Variants in AJM1 observed in about 807,000 individuals in gnomAD.
AJM1 encodes the protein uncharacterized protein C9orf172.
AJM1 carries 22 observed loss-of-function variants against 43.0 expected under a neutral mutation model. The ratio of observed to expected loss-of-function variants is 0.51; its 90% CI spans 0.37 to 0.73. The LOEUF (loss-of-function observed/expected upper bound fraction) is 0.73, where lower values mean the gene tolerates loss of function less well. Among genes scored for constraint, AJM1 ranks in the 30% least tolerant of loss-of-function variants. The pLI is 0.00. For missense variants in AJM1, 1,305 were observed against 1,343.3 expected (o/e 0.97, Z 0.45); for synonymous variants, 719 against 638.3 (o/e 1.13, Z -1.91).
At position 136,844,958 on chromosome 9, in the gene AJM1, C is replaced by T; in HGVS notation, c.544C>T (p.Pro182Ser). Residue 182 changes from proline (P) to serine (S), a missense_variant, in exon 3 of 3, where the codon CCC becomes TCC. Pro to Ser is a moderately conservative substitution (Grantham distance 74, BLOSUM62 -1). Transcript: ENST00000436881. Reference protein sequence around the residue: ...APPEPPAGPAPHVRCRLDIKP... With the variant: ...APPEPPAGPASHVRCRLDIKP... ...GCCCGAGCCACCCGCGGGTCCCGCC[C>T]CCCACGTGCGCTGCCGCCTGGACAT... 2 of 502,736 alleles carry T rather than the reference C, an allele frequency of 4.0e-6. 1 individual carries two copies. 31.1% of individuals were successfully genotyped at this position (502,736 alleles called of 1,614,324 possible). A position where few individuals can be genotyped will look rare whatever the true frequency, so the allele number is the denominator to read the frequency against.
chr9:136,847,146 T>G lies in AJM1; in HGVS notation c.2732T>G (p.Val911Gly), dbSNP rs1848788749. 1 of 1,597,866 alleles carries G rather than the reference T, an allele frequency of 6.3e-7. No homozygotes were observed. Among genetic ancestry groups the G allele is most frequent in the Non-Finnish European group, 8.5e-7 (1 of 1,177,924 alleles). The change falls in exon 3 of 3, where the codon GTC becomes GGC. Residue 911 changes from valine to glycine, a missense_variant. Transcript: ENST00000436881. ...CAGCGCGAGCTGCGGCTGCGCGGCG[T>G]CTTCCTGCGCCACGAGTTCCCGCGC... Reference protein sequence around the residue: ...HIQRELRLRGVFLRHEFPRVY... With the variant: ...HIQRELRLRGGFLRHEFPRVY...
rs1848811032 is a variant in AJM1 at position 136,848,409 on chromosome 9, G to A, written c.*1064G>A. 1 of 152,434 alleles carries A rather than the reference G, an allele frequency of 6.6e-6. No individual in the cohort carries two copies. The highest frequency in any genetic ancestry group is 6.5e-5 in the Admixed American group (1 of 15,292). The allele number at this position is 152,434 out of a possible 1,614,324, so 9.4% of individuals were successfully genotyped here. On this transcript the variant is annotated 3_prime_UTR_variant, in exon 3 of 3. Coordinates refer to ENST00000436881, the MANE Select transcript of AJM1 (RefSeq NM_001080482.5). ...GCGGGCGTGGAGGCGCAAGCCCGGC[G>A]GCCCGGCCTCCACCTGTCCCCCAAG...
In AJM1 at chr9:136,844,353, C is replaced by T. The variant is rs1848737707; in HGVS notation, c.-59-3C>T. 2 of 1,425,004 alleles carry T rather than the reference C, an allele frequency of 1.4e-6. No individual in the cohort carries two copies. Among genetic ancestry groups the T allele is most frequent in the African/African-American group, 1.4e-5 (1 of 71,040 alleles). The allele number at this position is 1,425,004 out of a possible 1,614,324, so 88.3% of individuals were successfully genotyped here. ...GGCCGCCCTGACCCGCGTCTCCCCCCAGGGCAAAAGCCCCGCAAGGCAGTG... is the reference window on the plus strand; with the variant it reads ...GGCCGCCCTGACCCGCGTCTCCCCCTAGGGCAAAAGCCCCGCAAGGCAGTG... On this transcript the variant is annotated splice_region_variant and splice_polypyrimidine_tract_variant and intron_variant, in intron 2 of 2. Coordinates refer to ENST00000436881, the MANE Select transcript of AJM1 (RefSeq NM_001080482.5).
At chr9:136,843,938 G>A (rs1484403254) in intron 1 of AJM1, among the ~76,000 whole-genome samples, 1 of 152,194 alleles carries the variant, frequency 6.6e-6, no homozygotes, top group East Asian at 1.9e-4. Flanking sequence ...AATGCGGCCC[G>A]TCCTTCCAAC....
At position 136,848,740 on chromosome 9, in the gene AJM1, G is replaced by A. The variant is rs1275221148; in HGVS notation, c.*1395G>A. 6.6e-6 allele frequency: 1 copy of A among 152,426 alleles called. No individual in the cohort carries two copies. Among genetic ancestry groups the A allele is most frequent in the Non-Finnish European group, 1.5e-5 (1 of 68,090 alleles). 9.4% of individuals were successfully genotyped at this position (152,426 alleles called of 1,614,324 possible). A position where few individuals can be genotyped will look rare whatever the true frequency, so the allele number is the denominator to read the frequency against. On this transcript the variant is annotated 3_prime_UTR_variant, in exon 3 of 3. Coordinates refer to ENST00000436881, the MANE Select transcript of AJM1 (RefSeq NM_001080482.5). ...CTGAGGGCCGGCCGGGAACGCCCCT[G>A]GACCGGAATAATTTCCAGGGGGCAA... is the stretch of plus-strand genomic sequence containing the variant.
chr9:136,846,060 G>C lies in AJM1; in HGVS notation c.1646G>C (p.Arg549Thr), dbSNP rs1848770467. The change falls in exon 3 of 3, where the codon AGG becomes ACG. Residue 549 changes from arginine (R) to threonine (T), a missense_variant. By Grantham distance (71) the Arg-to-Thr change is moderately conservative. Coordinates refer to ENST00000436881, the MANE Select transcript of AJM1 (RefSeq NM_001080482.5). ...CGCGCCACCGAGCGCCCGAGCGCCA[G>C]GGCCTGGGAGTTGCCCGGGGGCCGC... ...DLRATERPSA[R>T]AWELPGGRTR... 1 of 1,537,858 alleles carries C rather than the reference G, an allele frequency of 6.5e-7. No individual in the cohort carries two copies.
rs1182440413 is a variant in AJM1, at chr9:136,847,351, C to T, written c.*6C>T. 1 of 1,504,776 alleles carries T rather than the reference C, an allele frequency of 6.6e-7. No individual in the cohort carries two copies. The highest frequency in any genetic ancestry group is 1.2e-5 in the South Asian group (1 of 80,600). 93.2% of individuals were successfully genotyped at this position (1,504,776 alleles called of 1,614,324 possible). On this transcript the variant is annotated 3_prime_UTR_variant, in exon 3 of 3. Coordinates refer to ENST00000436881, the MANE Select transcript of AJM1 (RefSeq NM_001080482.5). ...TGCTGGACGACATCATGTGAGGCGCCGGGCCCACCAGGCCTAGCCCAGGCG... is the reference window on the plus strand; with the variant it reads ...TGCTGGACGACATCATGTGAGGCGCTGGGCCCACCAGGCCTAGCCCAGGCG...
In AJM1 at chr9:136,844,645, G is replaced by C. The variant is rs534371017; in HGVS notation, c.231G>C (p.Val77=). The C allele has an allele frequency of 1.3e-6, 2 of 1,512,646 alleles. No homozygotes were observed. Among genetic ancestry groups the C allele is most frequent in the South Asian group, 2.5e-5 (2 of 81,316 alleles). The allele number at this position is 1,512,646 out of a possible 1,614,324, so 93.7% of individuals were successfully genotyped here. Residue 77 remains valine (V), a synonymous_variant, in exon 3 of 3, where the codon GTG becomes GTC. Coordinates refer to ENST00000436881, the MANE Select transcript of AJM1 (RefSeq NM_001080482.5). The stretch of plus-strand genomic sequence containing the variant: ...AGCCACCGCCGCCGGAGTCCGCTGT[G>C]CCGCGCGCCCGGACCCGCGAAGCCG... The part of the protein sequence containing the change: ...LPEPPPPESA[V]PRARTREAEP...
intron 1 of AJM1, among the ~76,000 whole-genome samples, chr9:136,843,728 G>A (rs1224500452): frequency 6.6e-6 from 1 of 152,186 alleles, no homozygotes; most frequent in African/African-American, 2.4e-5. Flanking sequence ...TCCTTGCAGT[G>A]CTGGGGGCGG....
chr9:136,846,397 C>T lies in AJM1; in HGVS notation c.1983C>T (p.Asp661=). 2 of 1,573,318 alleles carry T rather than the reference C, an allele frequency of 1.3e-6. No homozygotes were observed. Among genetic ancestry groups the T allele is most frequent in the Non-Finnish European group, 1.7e-6 (2 of 1,166,622 alleles). ...CCGAACCCAGCGCCGACGAGGACGACCTGATGACCTGCTCCAATGCGCGCT... is the reference window on the plus strand; with the variant it reads ...CCGAACCCAGCGCCGACGAGGACGATCTGATGACCTGCTCCAATGCGCGCT... ...ASPEPSADED[D]LMTCSNARCR... The change falls in exon 3 of 3, where the codon GAC becomes GAT. Residue 661 remains aspartate, a synonymous_variant. Coordinates refer to ENST00000436881, the MANE Select transcript of AJM1 (RefSeq NM_001080482.5).
chr9:136,844,729 C>T lies in AJM1; in HGVS notation c.315C>T (p.Pro105=). ...SAPRAPPGLT[P]APASPPVLPR... is the part of the protein sequence containing the mutation. ...CCCGCGCGCCCCCGGGCCTGACGCC[C>T]GCGCCCGCCTCGCCGCCGGTGTTGC... Residue 105 remains proline (P), a synonymous_variant, in exon 3 of 3, where the codon CCC becomes CCT. Coordinates refer to ENST00000436881, the MANE Select transcript of AJM1 (RefSeq NM_001080482.5). 1 of 718,650 alleles carries T rather than the reference C, an allele frequency of 1.4e-6. No homozygotes were observed. Among genetic ancestry groups the T allele is most frequent in the Non-Finnish European group, 1.8e-6 (1 of 565,238 alleles). The allele number at this position is 718,650 out of a possible 1,614,324, so 44.5% of individuals were successfully genotyped here. A position where few individuals can be genotyped will look rare whatever the true frequency, so the allele number is the denominator to read the frequency against.
At position 136,847,738 on chromosome 9, in the gene AJM1, G is replaced by T. The variant is rs1564379927; in HGVS notation, c.*393G>T. The T allele has an allele frequency of 4.7e-6, 1 of 211,964 alleles. No homozygotes were observed. The highest frequency in any genetic ancestry group is 1.2e-4 in the East Asian group (1 of 8,584). The allele number at this position is 211,964 out of a possible 1,614,324, so 13.1% of individuals were successfully genotyped here. ...GGACCGCCGAGCTCTGCCTTCACTC[G>T]GAGGGGTCACTACTGCACAGACCCC... is the stretch of plus-strand genomic sequence containing the variant. On this transcript the variant is annotated 3_prime_UTR_variant, in exon 3 of 3. Coordinates refer to ENST00000436881, the MANE Select transcript of AJM1 (RefSeq NM_001080482.5).
In AJM1 at chr9:136,844,463, G is replaced by A. The variant is rs757429988; in HGVS notation, c.49G>A (p.Asp17Asn). 6 of 1,611,972 alleles carry A rather than the reference G, an allele frequency of 3.7e-6. No individual in the cohort carries two copies. Among genetic ancestry groups the A allele is most frequent in the East Asian group, 2.2e-5 (1 of 44,848 alleles). Residue 17 changes from aspartate (D) to asparagine (N), a missense_variant, in exon 3 of 3, where the codon GAC becomes AAC. Transcript: ENST00000436881. ...CCTGCTGGTGTCGACCGTGTACCAG[G>A]ACATCAAGGTGGCGACCCCGGGACC... ...PDLLVSTVYQ[D>N]IKVATPGPAS...
chr9:136,845,493 A>G lies in AJM1; in HGVS notation c.1079A>G (p.Tyr360Cys). The change falls in exon 3 of 3, where the codon TAT (tyrosine) becomes TGT (cysteine). Residue 360 changes from tyrosine (Y) to cysteine (C), a missense_variant. Tyr to Cys is a radical substitution (Grantham distance 194). This residue lies in a region of AJM1 where 653 missense variants were observed against 549.1 expected (regional missense o/e 1.19). Transcript: ENST00000436881. ...TACGGCCTGCCCTACGGGCCCCGCTATGTCCCCGAGGAGCCCCGGGCCCAC... is the reference window on the plus strand; with the variant it reads ...TACGGCCTGCCCTACGGGCCCCGCTGTGTCCCCGAGGAGCCCCGGGCCCAC... ...RAYGLPYGPR[Y>C]VPEEPRAHST... is the part of the protein sequence containing the mutation. The G allele has an allele frequency of 6.2e-7, 1 of 1,604,854 alleles. No homozygotes were observed. Among genetic ancestry groups the G allele is most frequent in the Non-Finnish European group, 8.5e-7 (1 of 1,176,716 alleles).
intron 1 of AJM1, among the ~76,000 whole-genome samples, chr9:136,842,830 A>G (rs1015243531): frequency 6.6e-6 from 1 of 152,072 alleles, no homozygotes; most frequent in Non-Finnish European, 1.5e-5. Context: ...CCCCACCCCC[A>G]TCCCCACGGG....
rs1418400022 is a variant in AJM1 at position 136,845,955 on chromosome 9, C to T, written c.1541C>T (p.Thr514Met). The T allele has an allele frequency of 9.0e-6, 14 of 1,553,770 alleles. No individual in the cohort carries two copies. The highest frequency in any genetic ancestry group is 1.2e-5 in the South Asian group (1 of 84,314). ...CTGTCCCTGTCCGAGACGTCGCTGA[C>T]GGAGAAGGGCCGCGCGGGCGAGGGC... ...AALSLSETSL[T>M]EKGRAGEGLG... The change falls in exon 3 of 3, where the codon ACG becomes ATG. Residue 514 changes from threonine to methionine, a missense_variant. Coordinates refer to ENST00000436881, the MANE Select transcript of AJM1 (RefSeq NM_001080482.5).
Position 136,847,267 on chromosome 9 carries a change from G to C in AJM1, c.2853G>C (p.Met951Ile). ...ACCGGCGCACCGGCCGCCCCTTCAT[G>C]TGCATGATCATGGCCGCCTCCGAGC... ...PTDRRTGRPF[M>I]CMIMAASEPR... The change falls in exon 3 of 3, where the codon ATG (methionine) becomes ATC (isoleucine). Residue 951 changes from methionine to isoleucine, a missense_variant. Met to Ile is a conservative substitution (Grantham distance 10). Around this residue, in one of 6 missense-constraint regions of AJM1, gnomAD observed 116 missense variants for 113.4 expected, o/e 1.02. Coordinates refer to ENST00000436881, the MANE Select transcript of AJM1 (RefSeq NM_001080482.5). 6.3e-7 allele frequency: 1 copy of C among 1,593,248 alleles called. No individual in the cohort carries two copies. Among genetic ancestry groups the C allele is most frequent in the South Asian group, 1.1e-5 (1 of 89,172 alleles).
At position 136,845,000 on chromosome 9, in the gene AJM1, G is replaced by C. The variant is rs2033865984; in HGVS notation, c.586G>C (p.Val196Leu). Reference protein sequence around the residue: ...CRLDIKPDDAVLQHATRGSRS... With the variant: ...CRLDIKPDDALLQHATRGSRS... Reference sequence around the variant, plus strand: ...CCTGGACATCAAGCCAGACGACGCAGTGCTCCAGCACGCCACCCGGGGCTC... The same window carrying C: ...CCTGGACATCAAGCCAGACGACGCACTGCTCCAGCACGCCACCCGGGGCTC... The change falls in exon 3 of 3, where the codon GTG becomes CTG. Residue 196 changes from valine (V) to leucine (L), a missense_variant. Physicochemically the swap from Val to Leu is conservative, Grantham distance 32. This residue lies in a region of AJM1 where 653 missense variants were observed against 549.1 expected (regional missense o/e 1.19). Coordinates refer to ENST00000436881, the MANE Select transcript of AJM1 (RefSeq NM_001080482.5). 2 of 650,082 alleles carry C rather than the reference G, an allele frequency of 3.1e-6. No individual in the cohort carries two copies. Among genetic ancestry groups the C allele is most frequent in the Admixed American group, 5.6e-5 (2 of 35,826 alleles). The allele number at this position is 650,082 out of a possible 1,614,324, so 40.3% of individuals were successfully genotyped here.
In AJM1 at chr9:136,845,451, G is replaced by C; in HGVS notation, c.1037G>C (p.Gly346Ala). 2 of 1,611,176 alleles carry C rather than the reference G, an allele frequency of 1.2e-6. No homozygotes were observed. Among genetic ancestry groups the C allele is most frequent in the Admixed American group, 1.7e-5 (1 of 59,836 alleles). ...GAACCGCCCTCCCGCTCCTACTATG[G>C]GGAGGCTCCACGAGCCTACGGCCTG... Reference protein sequence around the residue: ...IQEPPSRSYYGEAPRAYGLPY... With the variant: ...IQEPPSRSYYAEAPRAYGLPY... Residue 346 changes from glycine (G) to alanine (A), a missense_variant, in exon 3 of 3, where the codon GGG becomes GCG. By Grantham distance (60) the Gly-to-Ala change is moderately conservative. This residue lies in a region of AJM1 where 653 missense variants were observed against 549.1 expected (regional missense o/e 1.19). Coordinates refer to ENST00000436881, the MANE Select transcript of AJM1 (RefSeq NM_001080482.5).
Sources: gnomAD v4.1 joint callset for allele counts (sites outside exome capture counted in the v4.1 genomes callset) on GRCh38, gnomAD v4.1.1 for gene constraint, gnomAD v4.1.1 regional missense constraint, MANE v1.5 for transcripts, NCBI Gene and HGNC (gene_info 2026-07-23, HGNC 2026-07-21) for gene names.